ITSN2: variants seen among roughly 807,000 people sequenced by gnomAD.
The protein encoded by ITSN2 is intersectin 2.
ITSN2 carries 156 observed loss-of-function variants against 243.7 expected under a neutral mutation model. The ratio of observed to expected loss-of-function variants is 0.64; its 90% CI spans 0.56 to 0.73. ITSN2 has a LOEUF of 0.73. ITSN2 is among the 30% of genes least tolerant of loss of function. The pLI is 0.00. For missense variants in ITSN2, 1,801 were observed against 1,996.1 expected (o/e 0.90, Z 1.86); for synonymous variants, 703 against 699.9 (o/e 1.00, Z -0.07).
At chr2:24,352,078 T>A (rs1462954176) in intron 1 of ITSN2, among the ~76,000 whole-genome samples, 1 of 152,204 alleles carries the variant, frequency 6.6e-6, no homozygotes, top group Non-Finnish European at 1.5e-5. Flanking sequence ...AATTTATAAA[T>A]TAAACTTTAT....
chr2:24,263,762 A>G (rs1342313400), intron 20 of ITSN2, among the ~76,000 whole-genome samples: 1 of 152,226 alleles, frequency 6.6e-6, no homozygotes, highest in East Asian at 1.9e-4. Flanking sequence ...GCTAAGTAAT[A>G]TTATATCATA....
intron 29 of ITSN2, among the ~76,000 whole-genome samples, chr2:24,227,974 G>A (rs1006193764): frequency 2.6e-5 from 4 of 152,146 alleles, no homozygotes; most frequent in African/African-American, 7.2e-5. Flanking sequence ...CATCTGACAG[G>A]TAGTCCAGGA....
chr2:24,261,644 T>A lies in ITSN2; in HGVS notation c.2454A>T (p.Ser818=). ...GAGATACAGCTTTTTCATTTTCACT[T>A]GATGGCATTTTTTCTACATAATTGC... ...FPCNYVEKMP[S]SENEKAVSPK... is the part of the protein sequence containing the mutation. The change falls in exon 21 of 40, where the codon TCA becomes TCT. Residue 818 remains serine, a synonymous_variant. Transcript: ENST00000355123. 1 of 1,613,452 alleles carries A rather than the reference T, an allele frequency of 6.2e-7. No homozygotes were observed. Among genetic ancestry groups the A allele is most frequent in the Non-Finnish European group, 8.5e-7 (1 of 1,179,508 alleles).
chr2:24,228,556 T>C (rs1169392099), intron 29 of ITSN2, among the ~76,000 whole-genome samples: 2 of 152,188 alleles, frequency 1.3e-5, no homozygotes, highest in Non-Finnish European at 2.9e-5. Context: ...TCATTAGAGA[T>C]AAATCATCCT....
intron 1 of ITSN2, among the ~76,000 whole-genome samples, chr2:24,338,912 A>T (rs1170535849): frequency 3.3e-5 from 5 of 152,224 alleles, no homozygotes; most frequent in Non-Finnish European, 7.3e-5. Flanking sequence ...GAGGTAAATC[A>T]AAGTAAGGTA....
At chr2:24,210,586 G>C (rs1669365750) in intron 34 of ITSN2, among the ~76,000 whole-genome samples, 194 bp downstream of exon 34, 1 of 139,602 alleles carries the variant, frequency 7.2e-6, no homozygotes, top group South Asian at 2.3e-4. Context: ...CTGCACTCCA[G>C]CCTGGGCAAC....
At position 24,337,336 on chromosome 2, in the gene ITSN2, A is replaced by ATATATATATATATATG. The variant is rs1686539095; in HGVS notation, c.-33-9222_-33-9221insCATATATATATATATA. Among the ~76,000 whole-genome samples, 5 of 111,090 alleles carry ATATATATATATATATG rather than the reference A, an allele frequency of 4.5e-5. 1 individual carries two copies. The highest frequency in any genetic ancestry group is 9.2e-5 in the Non-Finnish European group (5 of 54,338). 72.9% of individuals were successfully genotyped at this position (111,090 alleles called of 152,430 possible). On this transcript the variant is annotated intron_variant, in intron 1 of 39. Coordinates refer to ENST00000355123, the MANE Select transcript of ITSN2 (RefSeq NM_006277.3). ...ACAAAATATATATATATATATATAT[A>ATATATATATATATATG]TATATATATATATATATGTAATTTT...
At position 24,261,612 on chromosome 2, in the gene ITSN2, T is replaced by G. The variant is rs1675872400; in HGVS notation, c.2486A>C (p.Lys829Thr). ...SENEKAVSPK[K>T]ALLPPTVSLS... ...AGAAACTGTAGGAGGAAGTAAGGCCTTCTTTGGAGATACAGCTTTTTCATT... is the reference window on the plus strand; with the variant it reads ...AGAAACTGTAGGAGGAAGTAAGGCCGTCTTTGGAGATACAGCTTTTTCATT... Residue 829 changes from lysine to threonine, a missense_variant, in exon 21 of 40, where the codon AAG becomes ACG. Coordinates refer to ENST00000355123, the MANE Select transcript of ITSN2 (RefSeq NM_006277.3). 2.5e-6 allele frequency: 4 copies of G among 1,613,580 alleles called. No individual in the cohort carries two copies. The highest frequency in any genetic ancestry group is 2.7e-5 in the African/African-American group (2 of 74,926).
intron 20 of ITSN2, 98 bp from the exon 21 acceptor site, chr2:24,261,840 T>C: frequency 4.5e-6 from 4 of 884,146 alleles, no homozygotes; most frequent in Non-Finnish European, 6.7e-6. Context: ...ATTTTCAGAA[T>C]TAAGCCCATC....
In ITSN2 at chr2:24,204,024, C is replaced by T. The variant is rs986331537; in HGVS notation, c.4936+221G>A. ...AATGCTCCAGGAGTGGTGTTCACGT[C>T]GTGTGTGTAGGGAGTGATGGGTCAA... On this transcript the variant is annotated intron_variant, in intron 39 of 39. Transcript: ENST00000355123. The surrounding 1 kb of genome is among the most constrained non-coding windows in gnomAD (Gnocchi z 5.1). 1.9e-5 allele frequency: 12 copies of T among 629,736 alleles called. No individual in the cohort carries two copies. Among genetic ancestry groups the T allele is most frequent in the African/African-American group, 1.7e-4 (9 of 54,320 alleles). 39.0% of individuals were successfully genotyped at this position (629,736 alleles called of 1,614,324 possible).
chr2:24,307,485 G>A (rs1574250837), intron 8 of ITSN2, among the ~76,000 whole-genome samples: 1 of 152,046 alleles, frequency 6.6e-6, no homozygotes, highest in African/African-American at 2.4e-5. Flanking sequence ...AGTATAATAG[G>A]TCACCCGTGA....
intron 15 of ITSN2, among the ~76,000 whole-genome samples, chr2:24,291,573 T>A (rs927461633): frequency 2.6e-5 from 4 of 151,012 alleles, no homozygotes; most frequent in African/African-American, 9.7e-5. Context: ...CACTGCAGCC[T>A]CTGCCTCCCA....
At chr2:24,358,634 T>C (rs1171146713) in intron 1 of ITSN2, among the ~76,000 whole-genome samples, 1 of 152,160 alleles carries the variant, frequency 6.6e-6, no homozygotes, top group Non-Finnish European at 1.5e-5. Context: ...AAAGATATAC[T>C]AACTACATAA....
chr2:24,305,279 G>C (rs1027503008), intron 8 of ITSN2, among the ~76,000 whole-genome samples: 4 of 152,082 alleles, frequency 2.6e-5, no homozygotes, highest in Non-Finnish European at 5.9e-5. Flanking sequence ...CTATGTTTAG[G>C]GGGAGGAGAA....
At position 24,209,818 on chromosome 2, in the gene ITSN2, C is replaced by A. The variant is rs768842538; in HGVS notation, c.4473G>T (p.Thr1491=). The A allele has an allele frequency of 3.1e-6, 5 of 1,612,706 alleles. No individual in the cohort carries two copies. Among genetic ancestry groups the A allele is most frequent in the Non-Finnish European group, 4.2e-6 (5 of 1,178,824 alleles). ...CTACCCCCAGACGCGTGATACTCACCGTTTTATACATTTTGAATTGAGCAT... is the reference window on the plus strand; with the variant it reads ...CTACCCCCAGACGCGTGATACTCACAGTTTTATACATTTTGAATTGAGCAT... ...KSNAQFKMYK[T]PIFLNEVLVK... The change falls in exon 35 of 40, where the codon ACG becomes ACT. Residue 1491 remains threonine, a splice_region_variant and synonymous_variant. Transcript: ENST00000355123.
At chr2:24,335,940 T>A (rs895503599) in intron 1 of ITSN2, among the ~76,000 whole-genome samples, 4 of 151,006 alleles carry the variant, frequency 2.6e-5, no homozygotes, top group Non-Finnish European at 4.4e-5. Flanking sequence ...CCCAGTGCTC[T>A]GTTCTTAAAA....
chr2:24,216,225 G>T lies in ITSN2; in HGVS notation c.3814C>A (p.Arg1272=). ...MSNTKLLKAL[R]VRKKTGGEKM... is the part of the protein sequence containing the mutation. ...TCGCCCCCGGTCTTCTTCCGCACCCGCAAAGCCCTGCCAAGAACACACTCT... is the reference window on the plus strand; with the variant it reads ...TCGCCCCCGGTCTTCTTCCGCACCCTCAAAGCCCTGCCAAGAACACACTCT... The change falls in exon 32 of 40, where the codon CGG becomes AGG. Residue 1272 remains arginine, a synonymous_variant. Transcript: ENST00000355123. The T allele has an allele frequency of 4.4e-6, 7 of 1,595,552 alleles. No homozygotes were observed. The highest frequency in any genetic ancestry group is 6.0e-6 in the Non-Finnish European group (7 of 1,171,140).
intron 1 of ITSN2, among the ~76,000 whole-genome samples, chr2:24,331,929 T>A (rs1037010816): frequency 7.2e-5 from 11 of 152,240 alleles, no homozygotes; most frequent in African/African-American, 2.6e-4. Flanking sequence ...GGTTTTAGAG[T>A]GGCTTTCAAG....
chr2:24,320,213 CAA>C (rs11359036), intron 2 of ITSN2, among the ~76,000 whole-genome samples: 9 of 151,864 alleles, frequency 5.9e-5, no homozygotes, highest in African/African-American at 2.2e-4. Context: ...CCCATCTCTA[CAA>C]AAAAACTTAA....
Sources: gnomAD v4.1 joint callset for allele counts (sites outside exome capture counted in the v4.1 genomes callset) on GRCh38, gnomAD v4.1.1 for gene constraint, Gnocchi (gnomAD v3.1) non-coding constraint, MANE v1.5 for transcripts, NCBI Gene and HGNC (gene_info 2026-07-23, HGNC 2026-07-21) for gene names.